The following KIAA1328 variants were observed in gnomAD, a reference collection of about 807,000 sequenced individuals.
KIAA1328 encodes protein hinderin.
A neutral mutation model predicts 68.1 loss-of-function variants in KIAA1328; 52 were observed. That is an observed-to-expected ratio of 0.76 (90% CI 0.61 to 0.96). KIAA1328 has a LOEUF of 0.96. Ranked by LOEUF, KIAA1328 falls within the 40% of genes least tolerant of loss-of-function variation. The probability of loss-of-function intolerance (pLI) is 0.00; values close to 1 mark genes in which losing one functional copy is unlikely to be tolerated. For missense variants in KIAA1328, 641 were observed against 677.6 expected, an observed-to-expected ratio of 0.95 and a Z score of 0.60; for synonymous variants, 232 against 239.4, an observed-to-expected ratio of 0.97 and a Z score of 0.28.
chr18:37,221,969 A>G (rs1568551635), intron 9 of KIAA1328, 48 bp from the exon 10 acceptor site: 2 of 1,569,892 alleles, frequency 1.3e-6, no homozygotes, highest in Middle Eastern at 1.7e-4. Context: ...TTGAATTCTC[A>G]TTTTCTAATA....
intron 6 of KIAA1328, among the ~76,000 whole-genome samples, chr18:37,027,997 C>G (rs533608816): frequency 6.6e-6 from 1 of 152,234 alleles, no homozygotes; most frequent in East Asian, 1.9e-4. Context: ...CTACAAAGAA[C>G]TCAAACAAAT....
At chr18:37,094,012 A>T (rs1010222573) in intron 7 of KIAA1328, among the ~76,000 whole-genome samples, 2 of 152,224 alleles carry the variant, frequency 1.3e-5, no homozygotes, top group African/African-American at 4.8e-5. Flanking sequence ...GTTTCATGGA[A>T]GACAGTTTTT....
intron 7 of KIAA1328, among the ~76,000 whole-genome samples, chr18:37,125,022 A>G (rs1223074643): frequency 6.6e-6 from 1 of 152,242 alleles, no homozygotes; most frequent in African/African-American, 2.4e-5. Flanking sequence ...ATGAAGATGA[A>G]AACAGAACAT....
chr18:36,967,938 A>G (rs1397894663), intron 6 of KIAA1328, among the ~76,000 whole-genome samples: 2 of 152,356 alleles, frequency 1.3e-5, no homozygotes, highest in East Asian at 3.9e-4. Flanking sequence ...GGATTACGTA[A>G]AGAGACCAAA....
At chr18:37,119,847 C>A (rs1478218897) in intron 7 of KIAA1328, among the ~76,000 whole-genome samples, 1 of 152,120 alleles carries the variant, frequency 6.6e-6, no homozygotes, top group Non-Finnish European at 1.5e-5. Context: ...CAGTCATACC[C>A]AGTTGCAGTG....
At chr18:36,841,857 A>G (rs1034359600) in intron 3 of KIAA1328, among the ~76,000 whole-genome samples, 2 of 152,230 alleles carry the variant, frequency 1.3e-5, no homozygotes, top group African/African-American at 4.8e-5. Flanking sequence ...ACTTTATATA[A>G]ATGAGCTCAT....
intron 5 of KIAA1328, among the ~76,000 whole-genome samples, chr18:36,936,067 C>T (rs2050488201): frequency 6.6e-6 from 1 of 152,032 alleles, no homozygotes; most frequent in Admixed American, 6.6e-5. Context: ...AAATGTTTAT[C>T]TAATTAATCA....
At chr18:36,875,866 T>C (rs1470367117) in intron 4 of KIAA1328, among the ~76,000 whole-genome samples, 1 of 152,210 alleles carries the variant, frequency 6.6e-6, no homozygotes, top group Non-Finnish European at 1.5e-5. Flanking sequence ...TATTGAGTGT[T>C]TTTAGCATGA....
Position 37,067,524 on chromosome 18 carries a change from A to G in KIAA1328, c.1211A>G (p.Gln404Arg). ...KLLLKQQQLHQSRLDYNCLLK... is the reference protein window; with the variant it reads ...KLLLKQQQLHRSRLDYNCLLK... ...CTTCTAAAACAGCAGCAGCTTCACC[A>G]GTCTCGACTGGATTACAATTGGTGA... Residue 404 changes from glutamine to arginine, a missense_variant, in exon 7 of 10, where the codon CAG (glutamine) becomes CGG (arginine). Physicochemically the swap from Gln to Arg is conservative, Grantham distance 43 (BLOSUM62 1). Transcript: ENST00000280020. 1.3e-6 allele frequency: 2 copies of G among 1,533,254 alleles called. No homozygotes were observed. Among genetic ancestry groups the G allele is most frequent in the South Asian group, 2.4e-5 (2 of 83,662 alleles). 95.0% of individuals were successfully genotyped at this position (1,533,254 alleles called of 1,614,324 possible).
chr18:36,884,772 G>A (rs1268368517), intron 4 of KIAA1328, among the ~76,000 whole-genome samples: 1 of 152,184 alleles, frequency 6.6e-6, no homozygotes, highest in South Asian at 2.1e-4. Flanking sequence ...TGCACACAGA[G>A]TAGAATGAAA....
intron 6 of KIAA1328, among the ~76,000 whole-genome samples, chr18:37,019,939 A>T (rs1236123741): frequency 1.3e-5 from 2 of 152,134 alleles, no homozygotes; most frequent in African/African-American, 4.8e-5. Flanking sequence ...CTGTACCAGG[A>T]TGTTCACACA....
intron 7 of KIAA1328, among the ~76,000 whole-genome samples, chr18:37,152,884 A>G (rs903450034): frequency 2.0e-5 from 3 of 152,182 alleles, no homozygotes; most frequent in African/African-American, 4.8e-5. Context: ...GCAGACATAG[A>G]TAACCAAGCT....
intron 4 of KIAA1328, among the ~76,000 whole-genome samples, chr18:36,857,097 A>T (rs2047410298): frequency 6.6e-6 from 1 of 152,120 alleles, no homozygotes; most frequent in South Asian, 2.1e-4. Context: ...CTGCTAAGGC[A>T]AGGAGGCTTG....
chr18:37,074,049 C>G (rs940814761), intron 7 of KIAA1328, among the ~76,000 whole-genome samples: 1 of 152,222 alleles, frequency 6.6e-6, no homozygotes, highest in Admixed American at 6.5e-5. Flanking sequence ...AAATGGACGT[C>G]TAGCCTCCCA....
At chr18:37,167,366 G>A (rs886260966) in intron 8 of KIAA1328, among the ~76,000 whole-genome samples, 1 of 152,170 alleles carries the variant, frequency 6.6e-6, no homozygotes, top group African/African-American at 2.4e-5. Flanking sequence ...TTAGTGTACT[G>A]GAAAAACTGG....
In KIAA1328 at chr18:37,096,810, T is replaced by G. The variant is rs1169155617; in HGVS notation, c.1232+29265T>G. 2.6e-5 allele frequency among the ~76,000 whole-genome samples: 4 copies of G among 152,254 alleles called. No individual in the cohort carries two copies. In the East Asian group the frequency reaches 5.8e-4, roughly 22 times the overall value. ...ATCTCATTGTGGTTTTGATTTGCAT[T>G]TCTCTGATGGCCAGTGATGATGAGC... On this transcript the variant is annotated intron_variant, in intron 7 of 9. Transcript: ENST00000280020.
intron 9 of KIAA1328, among the ~76,000 whole-genome samples, chr18:37,200,831 A>G (rs1008473259): frequency 6.6e-6 from 1 of 151,942 alleles, no homozygotes; most frequent in Non-Finnish European, 1.5e-5. Flanking sequence ...AAAAAAAAAA[A>G]AAAAAGGAGC....
intron 4 of KIAA1328, among the ~76,000 whole-genome samples, chr18:36,876,689 G>A (rs2150950933): frequency 6.6e-6 from 1 of 152,144 alleles, no homozygotes; most frequent in Middle Eastern, 3.4e-3. Flanking sequence ...GTTCTGCTCT[G>A]ATCTTAGTTA....
chr18:37,154,124 T>A (rs2059103138), intron 7 of KIAA1328, among the ~76,000 whole-genome samples: 1 of 152,142 alleles, frequency 6.6e-6, no homozygotes, highest in African/African-American at 2.4e-5. Flanking sequence ...TAATTTTCAA[T>A]CCTATCTGAA....
Sources: allele counts gnomAD v4.1 joint callset (sites outside exome capture counted in the v4.1 genomes callset), GRCh38; gene constraint gnomAD v4.1.1; transcripts MANE v1.5; gene names NCBI Gene and HGNC (gene_info 2026-07-23, HGNC 2026-07-21).